Variants in FGF13 observed in about 807,000 individuals in gnomAD.
FGF13 encodes the protein fibroblast growth factor 13, also known as fibroblast growth factor homologous factor 2.
In FGF13, 2 loss-of-function variants were observed where a neutral mutation model predicts 19.5. That is an observed-to-expected ratio of 0.10 (90% CI 0.04 to 0.32). The LOEUF (loss-of-function observed/expected upper bound fraction) is 0.32. Among genes scored for constraint, FGF13 ranks in the 10% least tolerant of loss-of-function variants. The pLI, the probability that FGF13 is intolerant of heterozygous loss-of-function variation, is 1.00. For synonymous variants in FGF13, 72 were observed against 76.9 expected, an observed-to-expected ratio of 0.94 and a Z score of 0.33; for missense variants, 113 against 192.7, an observed-to-expected ratio of 0.59 and a Z score of 2.45.
rs1374614753 is a variant in FGF13, at chrX:138,747,197, G to A, written c.218-38269C>T. On this transcript the variant is annotated intron_variant, in intron 3 of 6. Coordinates refer to the FGF13 transcript ENST00000436198. ...GGAGAAGGCAGCCCAGCCAAGATAG[G>A]AGGCCAAACGAATTTGGCATTACTG... is the stretch of plus-strand genomic sequence containing the variant. Among the ~76,000 whole-genome samples, 10 of 111,713 alleles carry A rather than the reference G, an allele frequency of 9.0e-5. No individual in the cohort carries two copies. The Admixed American group carries it at 9.5e-4, about 11-fold the overall frequency.
At chrX:139,000,305 T>C (rs1473327876) in intron 1 of FGF13, among the ~76,000 whole-genome samples, 1 of 111,957 alleles carries the variant, frequency 8.9e-6, no homozygotes, top group Non-Finnish European at 1.9e-5. Flanking sequence ...TCACCACTCC[T>C]ATTCAACATA....
chrX:139,007,187 C>T (rs775511131), intron 1 of FGF13, among the ~76,000 whole-genome samples: 69 of 111,137 alleles, frequency 6.2e-4, no homozygotes, highest in African/African-American at 2.1e-3. Flanking sequence ...AAAAAAAGAG[C>T]AGTAGTAGCT....
chrX:139,082,746 A>T (rs1347766460), intron 1 of FGF13, among the ~76,000 whole-genome samples: 3 of 111,923 alleles, frequency 2.7e-5, no homozygotes, highest in Non-Finnish European at 5.6e-5. Flanking sequence ...AATTTCCATT[A>T]TTTTAAGCCA....
At chrX:138,811,401 C>T (rs1409367511) in intron 3 of FGF13, among the ~76,000 whole-genome samples, 1 of 110,127 alleles carries the variant, frequency 9.1e-6, no homozygotes, top group East Asian at 2.9e-4. Context: ...ACAATGAGAA[C>T]ACTCGGACAC....
At position 138,629,822 on chromosome X, in the gene FGF13, G is replaced by GAAGGTGA. The variant is rs1220266334; in HGVS notation, c.*3021_*3027dup. ...CAAGACTCACTCAATCAGAAACTCT[G>GAAGGTGA]AAGGTGAAGTCCAGTGATCTGAGTC... On this transcript the variant is annotated 3_prime_UTR_variant, in exon 5 of 5. Transcript: ENST00000315930. 8.9e-6 allele frequency: 1 copy of GAAGGTGA among 111,795 alleles called. No individual in the cohort carries two copies. Among genetic ancestry groups the GAAGGTGA allele is most frequent in the Non-Finnish European group, 1.9e-5 (1 of 53,227 alleles). The allele number at this position is 111,795 out of a possible 1,213,427, so 9.2% of individuals were successfully genotyped here.
At chrX:138,990,620 G>A (rs2092011639) in intron 1 of FGF13, 1 of 110,763 alleles carries the variant, frequency 9.0e-6, no homozygotes, top group Non-Finnish European at 1.9e-5. Flanking sequence ...AGAAACTCCT[G>A]TTTTCGAAAC....
chrX:139,140,841 C>T (rs1399339426), intron 1 of FGF13, among the ~76,000 whole-genome samples: 1 of 110,721 alleles, frequency 9.0e-6, no homozygotes, highest in African/African-American at 3.3e-5. Context: ...CATCTTCCAC[C>T]GCATTTCCTT....
intron 1 of FGF13, among the ~76,000 whole-genome samples, chrX:138,932,434 C>T (rs2091707081): frequency 9.2e-6 from 1 of 108,887 alleles, no homozygotes; most frequent in Admixed American, 9.8e-5. Flanking sequence ...CAAAAATTAG[C>T]CGGGCCTGGT....
chrX:138,902,256 C>A (rs970140266), intron 1 of FGF13, among the ~76,000 whole-genome samples: 1 of 112,298 alleles, frequency 8.9e-6, no homozygotes, highest in Non-Finnish European at 1.9e-5. Context: ...TAGAGCAAAG[C>A]ACTCAACACA....
chrX:139,173,357 CT>C (rs897123495), intron 1 of FGF13, among the ~76,000 whole-genome samples: 3 of 109,391 alleles, frequency 2.7e-5, no homozygotes, highest in Non-Finnish European at 5.7e-5. Context: ...TCAGATAGCT[CT>C]TTTTTTAAAA....
intron 3 of FGF13, among the ~76,000 whole-genome samples, chrX:138,848,383 A>C (rs2091198424): frequency 9.0e-6 from 1 of 111,282 alleles, no homozygotes; most frequent in African/African-American, 3.3e-5. Flanking sequence ...CCTTATGCCA[A>C]GGTGATTATT....
chrX:139,111,548 T>C (rs1298631996), intron 1 of FGF13, among the ~76,000 whole-genome samples: 1 of 112,122 alleles, frequency 8.9e-6, no homozygotes, highest in Non-Finnish European at 1.9e-5. Flanking sequence ...AAATTTTTGA[T>C]TAAAGCATAT....
chrX:138,848,811 A>G (rs1199058978), intron 3 of FGF13, among the ~76,000 whole-genome samples: 1 of 111,786 alleles, frequency 8.9e-6, no homozygotes, highest in East Asian at 2.8e-4. Flanking sequence ...GTGTTACTCA[A>G]TGTATGGTAC....
intron 1 of FGF13, among the ~76,000 whole-genome samples, chrX:139,047,017 C>T (rs975909861): frequency 8.9e-6 from 1 of 112,049 alleles, no homozygotes. Flanking sequence ...CCTCATTCAG[C>T]ATTCTCCTGG....
intron 1 of FGF13, among the ~76,000 whole-genome samples, chrX:139,075,035 T>C (rs1171712657): frequency 8.9e-6 from 1 of 112,180 alleles, no homozygotes; most frequent in African/African-American, 3.2e-5. Flanking sequence ...ACATGTACTT[T>C]TTCCTCATAG....
intron 3 of FGF13, among the ~76,000 whole-genome samples, chrX:138,744,628 A>G (rs1481196674): frequency 9.0e-6 from 1 of 111,024 alleles, no homozygotes; most frequent in Non-Finnish European, 1.9e-5. Context: ...ATTTTTGTGA[A>G]AACAGATCAA....
At chrX:139,079,014 T>G (rs1042708687) in intron 1 of FGF13, among the ~76,000 whole-genome samples, 1 of 112,590 alleles carries the variant, frequency 8.9e-6, no homozygotes, top group Admixed American at 9.4e-5. Flanking sequence ...CAAAATGTAG[T>G]AGCTGAATTC....
chrX:138,851,696 C>A (rs900024762), intron 3 of FGF13, among the ~76,000 whole-genome samples: 1 of 111,759 alleles, frequency 8.9e-6, no homozygotes, highest in Non-Finnish European at 1.9e-5. Flanking sequence ...CTATTCAACA[C>A]AGTATTGGAA....
intron 1 of FGF13, among the ~76,000 whole-genome samples, chrX:138,922,325 C>T (rs1158736231): frequency 9.0e-6 from 1 of 111,526 alleles, no homozygotes. Context: ...GGCTTATATC[C>T]GAAATCAAAA....
Sources: allele counts gnomAD v4.1 joint callset (sites outside exome capture counted in the v4.1 genomes callset), GRCh38; gene constraint gnomAD v4.1.1; transcripts MANE v1.5; gene names NCBI Gene and HGNC (gene_info 2026-07-23, HGNC 2026-07-21).